The following ZFPM2 variants were observed in gnomAD, a reference collection of about 807,000 sequenced individuals.
ZFPM2 encodes zinc finger protein ZFPM2.
ZFPM2 carries 20 observed loss-of-function variants against 98.6 expected under a neutral mutation model. The observed-to-expected ratio is 0.20, with a 90% confidence interval of 0.14 to 0.29. The LOEUF (loss-of-function observed/expected upper bound fraction) is 0.29, where lower values mean the gene tolerates loss of function less well. ZFPM2 is among the 10% of genes least tolerant of loss of function. ZFPM2 has a pLI of 1.00. For synonymous variants in ZFPM2, 518 were observed against 502.7 expected (o/e 1.03, Z -0.41); for missense variants, 1,310 against 1,388.6 (o/e 0.94, Z 0.90).
At chr8:105,400,638 A>G (rs894474582) in intron 1 of ZFPM2, among the ~76,000 whole-genome samples, 37 of 152,318 alleles carry the variant, frequency 2.4e-4, no homozygotes, top group African/African-American at 8.9e-4. Context: ...TGCTTGGAAT[A>G]TATGCACTTT....
At chr8:105,418,575 A>G in intron 1 of ZFPM2, 3 of 518,342 alleles carry the variant, frequency 5.8e-6, no homozygotes, top group South Asian at 4.2e-5. Flanking sequence ...TTAATTATGA[A>G]TAGGGTTATG....
intron 4 of ZFPM2, among the ~76,000 whole-genome samples, chr8:105,572,033 CTTTTTTTTTTT>C (rs869198147): frequency 2.5e-4 from 26 of 103,376 alleles, no homozygotes; most frequent in African/African-American, 9.5e-4. Flanking sequence ...GGGTAAATTT[CTTTTTTTTTTT>C]TTTTTTTTTT....
intron 5 of ZFPM2, among the ~76,000 whole-genome samples, chr8:105,685,148 G>A (rs1336895977): frequency 6.6e-6 from 1 of 152,034 alleles, no homozygotes; most frequent in Admixed American, 6.6e-5. Context: ...CACGGGAAAT[G>A]TTCTATTTTT....
intron 4 of ZFPM2, among the ~76,000 whole-genome samples, chr8:105,592,246 G>A (rs1815865252): frequency 6.6e-6 from 1 of 151,616 alleles, no homozygotes; most frequent in African/African-American, 2.4e-5. Flanking sequence ...TTTCCCCCCT[G>A]ATGCATTGTT....
chr8:105,545,414 C>G (rs577924748), intron 3 of ZFPM2, among the ~76,000 whole-genome samples: 1 of 152,214 alleles, frequency 6.6e-6, no homozygotes, highest in South Asian at 2.1e-4. Context: ...TTTATCAACT[C>G]TTCTCTCCCA....
At chr8:105,513,856 A>G (rs943836399) in intron 3 of ZFPM2, among the ~76,000 whole-genome samples, 4 of 152,150 alleles carry the variant, frequency 2.6e-5, no homozygotes, top group Non-Finnish European at 5.9e-5. Context: ...CTAAGGGTGG[A>G]ATACATGATT....
chr8:105,677,510 T>C (rs920843841), intron 5 of ZFPM2, among the ~76,000 whole-genome samples: 1 of 152,024 alleles, frequency 6.6e-6, no homozygotes, highest in African/African-American at 2.4e-5. Flanking sequence ...CTTCAACAAA[T>C]AAGTGTCTCT....
chr8:105,718,076 G>T (rs758040598), intron 5 of ZFPM2, among the ~76,000 whole-genome samples: 4 of 151,870 alleles, frequency 2.6e-5, no homozygotes, highest in Non-Finnish European at 5.9e-5. Flanking sequence ...AATAAAATAA[G>T]TGAGGTCCAA....
intron 4 of ZFPM2, among the ~76,000 whole-genome samples, chr8:105,619,326 GC>G (rs1816484324): frequency 6.6e-6 from 1 of 151,810 alleles, no homozygotes; most frequent in Non-Finnish European, 1.5e-5. Flanking sequence ...AATATAATGA[GC>G]TTGATTATTA....
chr8:105,387,052 G>C (rs1437177576), intron 1 of ZFPM2: 3 of 152,648 alleles, frequency 2.0e-5, no homozygotes, highest in African/African-American at 7.2e-5. Flanking sequence ...CAATCCCTTA[G>C]CTAGACATAA....
At chr8:105,478,470 T>A (rs9650016) in intron 3 of ZFPM2, among the ~76,000 whole-genome samples, 71,143 of 152,028 alleles carry the variant, frequency 0.47, 17,270 homozygotes, top group East Asian at 0.66. Flanking sequence ...GACCCATACT[T>A]AAAATGCCAG....
chr8:105,374,372 AT>A (rs1286399068), intron 1 of ZFPM2, among the ~76,000 whole-genome samples: 2 of 152,108 alleles, frequency 1.3e-5, no homozygotes, highest in African/African-American at 4.8e-5. Flanking sequence ...TAAGGAAACT[AT>A]TATGTTACTT....
intron 1 of ZFPM2, among the ~76,000 whole-genome samples, chr8:105,412,827 A>G (rs1245402171): frequency 6.6e-6 from 1 of 151,790 alleles, no homozygotes; most frequent in African/African-American, 2.4e-5. Context: ...AGACAAATGT[A>G]ATAGGAACCG....
intron 4 of ZFPM2, 138 bp from the exon 5 acceptor site, chr8:105,634,108 G>T: frequency 1.6e-6 from 1 of 619,550 alleles, no homozygotes; most frequent in Non-Finnish European, 2.8e-6. Flanking sequence ...AAGATATCAT[G>T]AGACAGGGGA....
At chr8:105,387,279 C>T in intron 1 of ZFPM2, 1 of 155,052 alleles carries the variant, frequency 6.4e-6, no homozygotes, top group Non-Finnish European at 1.4e-5. Flanking sequence ...CCCAGTGGAT[C>T]CCGCATTGGG....
At chr8:105,522,821 C>A (rs186338905) in intron 3 of ZFPM2, among the ~76,000 whole-genome samples, 1 of 151,980 alleles carries the variant, frequency 6.6e-6, no homozygotes, top group African/African-American at 2.4e-5. Flanking sequence ...TTATAACTTT[C>A]TTAGGCTCTA....
In ZFPM2 at chr8:105,788,720, G is replaced by T. The variant is rs763209138; in HGVS notation, c.535G>T (p.Gly179Cys). ...TTTTTCTTTTTTCTTCTTAATAGGGGGTCAGCTTTGGTGTACAACTACGAA... is the reference window on the plus strand; with the variant it reads ...TTTTTCTTTTTTCTTCTTAATAGGGTGTCAGCTTTGGTGTACAACTACGAA... ...KNNCIVYSKG[G>C]QLWCTTTKAI... Residue 179 changes from glycine to cysteine, a missense_variant and splice_region_variant, in exon 6 of 8, where the codon GGT becomes TGT. Physicochemically the swap from Gly to Cys is radical, Grantham distance 159 (BLOSUM62 -3). Transcript: ENST00000407775. The T allele has an allele frequency of 1.9e-6, 3 of 1,613,794 alleles. No individual in the cohort carries two copies. The East Asian group carries it at 6.7e-5, about 36-fold the overall frequency.
chr8:105,485,390 A>T (rs1011313133), intron 3 of ZFPM2, among the ~76,000 whole-genome samples: 3 of 152,044 alleles, frequency 2.0e-5, no homozygotes, highest in African/African-American at 7.3e-5. Context: ...CCAGGCTAGT[A>T]CATCTGCAGT....
chr8:105,723,617 T>A (rs1811725682), intron 5 of ZFPM2, among the ~76,000 whole-genome samples: 1 of 151,642 alleles, frequency 6.6e-6, no homozygotes, highest in Admixed American at 6.6e-5. Context: ...AAAAAAAGGG[T>A]TCTCATTGTC....
Sources: gnomAD v4.1 joint callset for allele counts (sites outside exome capture counted in the v4.1 genomes callset) on GRCh38, gnomAD v4.1.1 for gene constraint, MANE v1.5 for transcripts, NCBI Gene and HGNC (gene_info 2026-07-23, HGNC 2026-07-21) for gene names.